The following SLAIN2 variants were observed in gnomAD, a reference collection of about 807,000 sequenced individuals.
SLAIN2 encodes SLAIN motif-containing protein 2.
In SLAIN2, 31 loss-of-function variants were observed where a neutral mutation model predicts 56.6. That is an observed-to-expected ratio of 0.55 (90% CI 0.41 to 0.74). SLAIN2 has a LOEUF of 0.74. Ranked by LOEUF, SLAIN2 falls within the 30% of genes least tolerant of loss-of-function variation. The probability of loss-of-function intolerance (pLI) is 0.00; values close to 1 mark genes in which losing one functional copy is unlikely to be tolerated. For missense variants in SLAIN2, 777 were observed against 754.2 expected (o/e 1.03, Z -0.35); for synonymous variants, 317 against 284.9 (o/e 1.11, Z -1.13).
chr4:48,342,273 A>G, intron 1 of SLAIN2, 145 bp downstream of exon 1: 3 of 1,083,418 alleles, frequency 2.8e-6, no homozygotes, highest in Non-Finnish European at 3.6e-6. Flanking sequence ...TTGCTTTGGC[A>G]GAGGGAACGT....
chr4:48,419,981 A>G (rs1717103699), intron 6 of SLAIN2, 144 bp from the exon 7 acceptor site: 1 of 789,114 alleles, frequency 1.3e-6, no homozygotes, highest in Non-Finnish European at 2.0e-6. Flanking sequence ...TTAGTAGCCC[A>G]GGAATAGCTT....
At chr4:48,361,342 G>T (rs1715321917) in intron 1 of SLAIN2, among the ~76,000 whole-genome samples, 1 of 152,194 alleles carries the variant, frequency 6.6e-6, no homozygotes, top group Non-Finnish European at 1.5e-5. Context: ...TCCAGGAATA[G>T]AAATTAATTC....
At chr4:48,368,093 A>C (rs1009157677) in intron 1 of SLAIN2, among the ~76,000 whole-genome samples, 8 of 111,572 alleles carry the variant, frequency 7.2e-5, no homozygotes, top group African/African-American at 3.1e-4. Context: ...CCCAGGCTGG[A>C]CTGCAGTGGT....
At chr4:48,414,472 C>T (rs1238191018) in intron 6 of SLAIN2, among the ~76,000 whole-genome samples, 2 of 151,768 alleles carry the variant, frequency 1.3e-5, no homozygotes, top group African/African-American at 2.4e-5. Context: ...TTGCTCTTCA[C>T]AGCAAACTTA....
At chr4:48,377,153 CA>C (rs1715839038) in intron 2 of SLAIN2, among the ~76,000 whole-genome samples, 1 of 151,202 alleles carries the variant, frequency 6.6e-6, no homozygotes, top group Non-Finnish European at 1.5e-5. Context: ...CCAGTCTGGG[CA>C]ACATGGTGAG....
Position 48,422,322 on chromosome 4 carries a change from A to T in SLAIN2, c.*245A>T, listed in dbSNP as rs1717179332. 1 of 369,926 alleles carries T rather than the reference A, an allele frequency of 2.7e-6. No individual in the cohort carries two copies. The highest frequency in any genetic ancestry group is 4.9e-6 in the Non-Finnish European group (1 of 204,808). 22.9% of individuals were successfully genotyped at this position (369,926 alleles called of 1,614,324 possible). ...AGAATCACTTTTAGTTTTGTTTAATAGAAACTAGGTTGATTTTTAAAAAAT... is the reference window on the plus strand; with the variant it reads ...AGAATCACTTTTAGTTTTGTTTAATTGAAACTAGGTTGATTTTTAAAAAAT... On this transcript the variant is annotated 3_prime_UTR_variant, in exon 8 of 8. Coordinates refer to ENST00000264313, the MANE Select transcript of SLAIN2 (RefSeq NM_020846.2).
At chr4:48,380,109 A>G (rs1206418750) in intron 4 of SLAIN2, among the ~76,000 whole-genome samples, 2 of 152,058 alleles carry the variant, frequency 1.3e-5, no homozygotes, top group Admixed American at 6.5e-5. Flanking sequence ...ACTGGTTTTT[A>G]TACCCTGCAT....
chr4:48,363,739 CG>C (rs1715410007), intron 1 of SLAIN2, among the ~76,000 whole-genome samples: 1 of 86,522 alleles, frequency 1.2e-5, no homozygotes, highest in Non-Finnish European at 2.7e-5. Context: ...GCTGGCCAGG[CG>C]GGGGGCTGAC....
At chr4:48,375,062 T>C (rs1715768774) in intron 2 of SLAIN2, among the ~76,000 whole-genome samples, 1 of 152,164 alleles carries the variant, frequency 6.6e-6, no homozygotes, top group South Asian at 2.1e-4. Flanking sequence ...GTTTAGCATA[T>C]AGATAATAAT....
intron 6 of SLAIN2, among the ~76,000 whole-genome samples, chr4:48,417,664 G>T (rs1482686475): frequency 1.5e-5 from 2 of 135,678 alleles, no homozygotes; most frequent in African/African-American, 5.5e-5. Context: ...GATCAAGTGG[G>T]CTTCATCCCT....
intron 4 of SLAIN2, among the ~76,000 whole-genome samples, chr4:48,381,143 T>C (rs1259231559): frequency 6.6e-6 from 1 of 152,174 alleles, no homozygotes; most frequent in African/African-American, 2.4e-5. Context: ...AGTTCTCTCA[T>C]TTCTTTGAAC....
chr4:48,368,050 G>GGTTTTTTTTTTTT (rs1466698335), intron 1 of SLAIN2, among the ~76,000 whole-genome samples: 1 of 28,534 alleles, frequency 3.5e-5, no homozygotes, highest in Non-Finnish European at 5.6e-5. Context: ...TGTTTTTGAG[G>GGTTTTTTTTTTTT]CTTTTTTTTT....
intron 6 of SLAIN2, among the ~76,000 whole-genome samples, chr4:48,419,172 C>G (rs1021354569): frequency 1.3e-5 from 2 of 152,050 alleles, no homozygotes; most frequent in Non-Finnish European, 2.9e-5. Flanking sequence ...CCGCGATCCC[C>G]GCTTATTGCA....
At chr4:48,361,712 A>C (rs965712044) in intron 1 of SLAIN2, among the ~76,000 whole-genome samples, 3 of 152,206 alleles carry the variant, frequency 2.0e-5, no homozygotes, top group African/African-American at 7.2e-5. Context: ...TTCTGCTAAA[A>C]ATGCCTGCTG....
chr4:48,353,123 GTC>G (rs1715056257), intron 1 of SLAIN2, among the ~76,000 whole-genome samples: 2 of 152,238 alleles, frequency 1.3e-5, no homozygotes, highest in South Asian at 4.1e-4. Flanking sequence ...AAATTGCCCA[GTC>G]TCAGGGATGT....
At chr4:48,377,818 T>A in intron 2 of SLAIN2, 78 bp from the exon 3 acceptor site, 2 of 1,344,178 alleles carry the variant, frequency 1.5e-6, no homozygotes, top group South Asian at 2.6e-5. Flanking sequence ...TTTAGTTTTC[T>A]AATAGGAAAA....
At chr4:48,409,933 A>T (rs556360911) in intron 6 of SLAIN2, among the ~76,000 whole-genome samples, 1 of 152,214 alleles carries the variant, frequency 6.6e-6, no homozygotes, top group Admixed American at 6.5e-5. Context: ...AAGTGTTTAC[A>T]TGGACAGACA....
intron 6 of SLAIN2, chr4:48,387,441 A>G (rs893688007): frequency 6.6e-6 from 1 of 152,108 alleles, no homozygotes; most frequent in African/African-American, 2.4e-5. Context: ...TGGGATTCCA[A>G]TCATTGATTT....
intron 6 of SLAIN2, among the ~76,000 whole-genome samples, chr4:48,389,630 A>G (rs997595792): frequency 1.3e-5 from 2 of 152,358 alleles, no homozygotes; most frequent in Admixed American, 6.5e-5. Context: ...CAGCCAGCTC[A>G]GAAGGAGCTT....
Sources: gnomAD v4.1 joint callset for allele counts (sites outside exome capture counted in the v4.1 genomes callset) on GRCh38, gnomAD v4.1.1 for gene constraint, MANE v1.5 for transcripts, NCBI Gene and HGNC (gene_info 2026-07-23, HGNC 2026-07-21) for gene names.